The following HIBADH variants were observed in gnomAD, a reference collection of about 807,000 sequenced individuals.
The protein encoded by HIBADH is 3-hydroxyisobutyrate dehydrogenase, also known as 3-hydroxyisobutyrate dehydrogenase, mitochondrial.
Under a neutral mutation model 36.1 loss-of-function variants are expected in HIBADH, and 25 were observed. The observed-to-expected ratio is 0.69, with a 90% CI of 0.50 to 0.97. The LOEUF is 0.97. Ranked by LOEUF, HIBADH falls within the 50% of genes least tolerant of loss-of-function variation. HIBADH has a pLI of 0.00. For synonymous variants in HIBADH, 160 were observed against 149.5 expected (o/e 1.07, Z -0.51); for missense variants, 421 against 418.0 (o/e 1.01, Z -0.06).
At chr7:27,577,164 C>CTTTTTTTTTT (rs35467427) in intron 4 of HIBADH, among the ~76,000 whole-genome samples, 1 of 143,888 alleles carries the variant, frequency 6.9e-6, no homozygotes, top group Non-Finnish European at 1.5e-5. Context: ...CATCATTTCT[C>CTTTTTTTTTT]TCTTTTTTTT....
At chr7:27,529,593 T>C (rs1248647919) in intron 7 of HIBADH, among the ~76,000 whole-genome samples, 3 of 152,180 alleles carry the variant, frequency 2.0e-5, no homozygotes, top group African/African-American at 7.2e-5. Flanking sequence ...TGTGCTAAAC[T>C]TGAAGGGATG....
chr7:27,528,107 CAGAA>C (rs951762081), intron 7 of HIBADH, among the ~76,000 whole-genome samples: 25 of 151,748 alleles, frequency 1.6e-4, no homozygotes, highest in Non-Finnish European at 2.2e-4. Flanking sequence ...TTTGGGGTGT[CAGAA>C]AGCGCACATA....
chr7:27,625,313 C>T (rs1785622024), intron 4 of HIBADH, among the ~76,000 whole-genome samples: 1 of 152,040 alleles, frequency 6.6e-6, no homozygotes, highest in Non-Finnish European at 1.5e-5. Context: ...CACACAGGTA[C>T]CAAGTAAGCC....
chr7:27,645,038 C>T (rs913562099), intron 2 of HIBADH, among the ~76,000 whole-genome samples: 1 of 152,110 alleles, frequency 6.6e-6, no homozygotes, highest in Admixed American at 6.6e-5. Flanking sequence ...GGATATAACA[C>T]ATTTTGTTTG....
At chr7:27,655,326 A>AT (rs1385423070) in intron 1 of HIBADH, among the ~76,000 whole-genome samples, 2 of 152,238 alleles carry the variant, frequency 1.3e-5, no homozygotes, top group African/African-American at 4.8e-5. Flanking sequence ...GTTTGGTTAC[A>AT]TAGGAGAATA....
chr7:27,652,392 G>C (rs985778299), intron 1 of HIBADH, among the ~76,000 whole-genome samples: 10 of 149,038 alleles, frequency 6.7e-5, no homozygotes, highest in African/African-American at 2.5e-4. Flanking sequence ...GGTAGTTATT[G>C]AAACAGTGGG....
At chr7:27,581,751 T>C (rs990352740) in intron 4 of HIBADH, among the ~76,000 whole-genome samples, 7 of 152,026 alleles carry the variant, frequency 4.6e-5, no homozygotes, top group African/African-American at 1.7e-4. Flanking sequence ...CAGAAGACTC[T>C]GTGGATCCTT....
At chr7:27,620,432 C>A (rs564467968) in intron 4 of HIBADH, among the ~76,000 whole-genome samples, 1 of 151,686 alleles carries the variant, frequency 6.6e-6, no homozygotes, top group Non-Finnish European at 1.5e-5. Flanking sequence ...ACTTTATAGA[C>A]CAGAAGAGAA....
intron 1 of HIBADH, among the ~76,000 whole-genome samples, chr7:27,658,317 A>G (rs1786345024): frequency 1.3e-5 from 2 of 152,206 alleles, no homozygotes; most frequent in Admixed American, 1.3e-4. Flanking sequence ...AAAATCAATC[A>G]ACCAAATACA....
At chr7:27,533,677 T>G (rs1784032859) in intron 6 of HIBADH, among the ~76,000 whole-genome samples, 1 of 152,150 alleles carries the variant, frequency 6.6e-6, no homozygotes, top group Non-Finnish European at 1.5e-5. Flanking sequence ...GAATACACAG[T>G]AATTGTCATT....
intron 4 of HIBADH, among the ~76,000 whole-genome samples, chr7:27,582,730 C>A (rs368800282): frequency 8.5e-5 from 13 of 152,064 alleles, no homozygotes; most frequent in Non-Finnish European, 1.9e-4. Flanking sequence ...AGAAGCTGGG[C>A]GAGCTGCTCT....
At chr7:27,654,178 A>T (rs1332878322) in intron 1 of HIBADH, among the ~76,000 whole-genome samples, 1 of 152,206 alleles carries the variant, frequency 6.6e-6, no homozygotes, top group Admixed American at 6.5e-5. Flanking sequence ...ACAGCAATAG[A>T]AACTATTCAA....
chr7:27,655,999 C>G (rs1040576478), intron 1 of HIBADH, among the ~76,000 whole-genome samples: 9 of 152,102 alleles, frequency 5.9e-5, no homozygotes, highest in Non-Finnish European at 1.2e-4. Context: ...TTAAAACATG[C>G]ATACTCTTTG....
chr7:27,644,824 T>C (rs181425001), intron 2 of HIBADH, among the ~76,000 whole-genome samples: 323 of 152,162 alleles, frequency 2.1e-3, no homozygotes, highest in African/African-American at 7.6e-3. Context: ...ATGCCCAACT[T>C]TCCCTCTTCC....
chr7:27,611,495 C>T (rs572560010), intron 4 of HIBADH, among the ~76,000 whole-genome samples: 5 of 124,896 alleles, frequency 4.0e-5, no homozygotes, highest in Admixed American at 3.4e-4. Flanking sequence ...TGCGTGTGTG[C>T]GCGCACACAC....
intron 4 of HIBADH, among the ~76,000 whole-genome samples, chr7:27,587,211 T>C (rs1296212734): frequency 6.6e-6 from 1 of 152,196 alleles, no homozygotes; most frequent in Non-Finnish European, 1.5e-5. Context: ...CCTTGTATCA[T>C]TAAAGATGAA....
At chr7:27,570,443 CATG>C (rs1222146050) in intron 4 of HIBADH, among the ~76,000 whole-genome samples, 1 of 152,118 alleles carries the variant, frequency 6.6e-6, no homozygotes, top group African/African-American at 2.4e-5. Context: ...TGCATATGTA[CATG>C]ATATTTACAT....
rs1784432321 is a variant in HIBADH at position 27,559,151 on chromosome 7, CCT to C, written c.485-16053_485-16052del. On this transcript the variant is annotated intron_variant, in intron 4 of 7. Transcript: ENST00000265395. ...CTTTTATGTGTGTGTCTAAATTTCC[CCT>C]TTTTGTAAGGAGAACAATCATATTA... is the stretch of plus-strand genomic sequence containing the variant. Among the ~76,000 whole-genome samples the C allele has an allele frequency of 2.0e-5, 3 of 152,232 alleles. No individual in the cohort carries two copies. In the South Asian group the frequency reaches 6.2e-4, roughly 32 times the overall value.
intron 4 of HIBADH, among the ~76,000 whole-genome samples, chr7:27,552,770 A>G (rs989376102): frequency 1.3e-5 from 2 of 152,170 alleles, no homozygotes; most frequent in Non-Finnish European, 2.9e-5. Flanking sequence ...ACCTTAATGC[A>G]CCTGTTCCTA....
Sources: allele counts gnomAD v4.1 joint callset (sites outside exome capture counted in the v4.1 genomes callset), GRCh38; gene constraint gnomAD v4.1.1; transcripts MANE v1.5; gene names NCBI Gene and HGNC (gene_info 2026-07-23, HGNC 2026-07-21).